STXBP2: variants seen among roughly 807,000 people sequenced by gnomAD.
The protein encoded by STXBP2 is syntaxin-binding protein 2.
Under a neutral mutation model 72.2 loss-of-function variants are expected in STXBP2, and 47 were observed. That is an observed-to-expected ratio of 0.65 (90% CI 0.51 to 0.83). The LOEUF is 0.83. STXBP2 is among the 40% of genes least tolerant of loss of function. The pLI is 0.00. For synonymous variants in STXBP2, 367 were observed against 338.7 expected (o/e 1.08, Z -0.92); for missense variants, 702 against 807.6 (o/e 0.87, Z 1.58).
chr19:7,643,257 C>T lies in STXBP2; in HGVS notation c.1107+12C>T. 2 of 1,611,676 alleles carry T rather than the reference C, an allele frequency of 1.2e-6. No individual in the cohort carries two copies. The highest frequency in any genetic ancestry group is 1.7e-6 in the Non-Finnish European group (2 of 1,179,182). ...GTAGTGTGGAGCAGGTGGGGCAGGGCTTGCGGGGGGCAGGGGTGATGGTCC... is the reference window on the plus strand; with the variant it reads ...GTAGTGTGGAGCAGGTGGGGCAGGGTTTGCGGGGGGCAGGGGTGATGGTCC... On this transcript the variant is annotated intron_variant, in intron 13 of 18. Coordinates refer to ENST00000221283, the MANE Select transcript of STXBP2 (RefSeq NM_006949.4).
At chr19:7,632,688 T>C (rs567036760), upstream of STXBP2, 7 of 1,549,816 alleles carry the variant, frequency 4.5e-6, no homozygotes, top group South Asian at 5.8e-5. This position sits in a 1 kb window ranked among gnomAD's most constrained non-coding sequence, Gnocchi z 5.2. Flanking sequence ...TCACGCCCCA[T>C]GGACAGCACC....
chr19:7,634,454 C>G (rs1049554229), upstream of STXBP2, among the ~76,000 whole-genome samples: 5 of 152,234 alleles, frequency 3.3e-5, no homozygotes, highest in Non-Finnish European at 5.9e-5. Flanking sequence ...TGTCCCCCTC[C>G]TCAGTACGTG....
chr19:7,644,563 C>A, intron 13 of STXBP2, 51 bp from the exon 14 acceptor site: 1 of 1,604,112 alleles, frequency 6.2e-7, no homozygotes, highest in Non-Finnish European at 8.5e-7. Context: ...CCTCTCCCAT[C>A]CCCTTCCCTG....
chr19:7,646,386 C>CG (rs1555771825), intron 16 of STXBP2, 42 bp downstream of exon 16: 1 of 1,535,824 alleles, frequency 6.5e-7, no homozygotes, highest in East Asian at 2.3e-5. Context: ...CCCTCCGCAT[C>CG]GGCTGGCGGC....
the STXBP2 span, chr19:7,631,411 G>GGGGGGGCCGGGGCGCGCCCCCCCCC: frequency 1.1e-6 from 1 of 886,152 alleles, no homozygotes; most frequent in Non-Finnish European, 1.7e-6. Flanking sequence ...GGGGGGGGTG[G>GGGGGGGCCGGGGCGCGCCCCCCCCC]TCCCGGCTCT....
chr19:7,633,340 C>T (rs1277741334), upstream of STXBP2: 18 of 1,452,448 alleles, frequency 1.2e-5, no homozygotes, highest in East Asian at 2.2e-4. Context: ...GCCCTACAAA[C>T]TAGTCTTGTC....
intron 15 of STXBP2, 52 bp from the exon 16 acceptor site, chr19:7,646,171 GCCACACCAGGCGCAGCCCCTCTGTGA>G: frequency 7.9e-7 from 1 of 1,267,886 alleles, no homozygotes; most frequent in South Asian, 1.3e-5. Context: ...CACCCTACCA[GCCACACCAGGCGCAGCCCCTCTGTGA>G]CCAGCCTCCT....
upstream of STXBP2, chr19:7,632,629 G>A (rs1599380426): frequency 6.3e-6 from 10 of 1,576,146 alleles, no homozygotes; most frequent in African/African-American, 6.7e-5. This position sits in a 1 kb window ranked among gnomAD's most constrained non-coding sequence, Gnocchi z 5.2. Context: ...CCCACATCCC[G>A]TGCCCCCAGG....
chr19:7,637,350 T>C (rs1300521291), intron 1 of STXBP2, among the ~76,000 whole-genome samples, 164 bp downstream of exon 1: 2 of 152,004 alleles, frequency 1.3e-5, no homozygotes, highest in Admixed American at 1.3e-4. Flanking sequence ...GGTTCCCAGC[T>C]GGACGCCCCT....
rs761105342 is a variant in STXBP2, at chr19:7,642,565, C to A, written c.902+29C>A. 5.0e-6 allele frequency: 8 copies of A among 1,610,180 alleles called. No individual in the cohort carries two copies. The highest frequency in any genetic ancestry group is 6.8e-6 in the Non-Finnish European group (8 of 1,177,040). On this transcript the variant is annotated intron_variant, in intron 10 of 18. Coordinates refer to ENST00000221283, the MANE Select transcript of STXBP2 (RefSeq NM_006949.4). The surrounding 1 kb of genome is among the most constrained non-coding windows in gnomAD (Gnocchi z 6.0). ...CGTGCACACGGGGACCGGATCCCCC[C>A]CCCACCGCCCACTGTGGGCCTGGTA...
chr19:7,645,326 G>T lies in STXBP2; in HGVS notation c.1356+20G>T, dbSNP rs1377390475. ...CCCGGGGTACGCCAGGAGCGGGCAT[G>T]GGGGGACCCTGGGAGAGGGTGCGGA... is the stretch of plus-strand genomic sequence containing the variant. On this transcript the variant is annotated intron_variant, in intron 15 of 18. Coordinates refer to ENST00000221283, the MANE Select transcript of STXBP2 (RefSeq NM_006949.4). 1 of 1,559,962 alleles carries T rather than the reference G, an allele frequency of 6.4e-7. No individual in the cohort carries two copies. The highest frequency in any genetic ancestry group is 8.7e-7 in the Non-Finnish European group (1 of 1,150,826).
chr19:7,633,435 G>A (rs779376158), upstream of STXBP2: 27 of 1,577,046 alleles, frequency 1.7e-5, no homozygotes, highest in South Asian at 2.3e-5. Context: ...GCCTTCCTCC[G>A]TCTTCTCCTC....
chr19:7,631,722 G>A, the STXBP2 span: 1 of 1,447,954 alleles, frequency 6.9e-7, no homozygotes. Flanking sequence ...GGGGGCTGCT[G>A]TTCCGACGGA....
chr19:7,642,707 C>T lies in STXBP2; in HGVS notation c.903-59C>T, dbSNP rs1367761915. On this transcript the variant is annotated intron_variant, in intron 10 of 18. Coordinates refer to ENST00000221283, the MANE Select transcript of STXBP2 (RefSeq NM_006949.4). The surrounding 1 kb of genome is among the most constrained non-coding windows in gnomAD (Gnocchi z 6.0). ...TCTCCCTGTCCCCCCTGAGTGGGCT[C>T]ACCCATGGCCTGTGGCTCCTCTCCC... is the stretch of plus-strand genomic sequence containing the variant. The T allele has an allele frequency of 1.3e-6, 2 of 1,578,722 alleles. No homozygotes were observed. The highest frequency in any genetic ancestry group is 1.7e-6 in the Non-Finnish European group (2 of 1,150,484).
chr19:7,631,539 G>T, the STXBP2 span: 18 of 1,535,872 alleles, frequency 1.2e-5, no homozygotes, highest in East Asian at 4.2e-4. Context: ...CCTTCGCGAC[G>T]CCCAGCAGAA....
chr19:7,633,232 G>C (rs530692571), upstream of STXBP2, among the ~76,000 whole-genome samples: 1 of 152,336 alleles, frequency 6.6e-6, no homozygotes, highest in African/African-American at 2.4e-5. Flanking sequence ...CCTGCCCTCT[G>C]CCCTGGGGCC....
At chr19:7,630,784 G>A in the STXBP2 span, 1 of 1,537,250 alleles carries the variant, frequency 6.5e-7, no homozygotes, top group Non-Finnish European at 8.7e-7. Flanking sequence ...GGCTCTGGAG[G>A]CCTTTGGCTC....
rs752714233 is a variant in STXBP2, at chr19:7,642,144, G to C, written c.663+26G>C. The C allele has an allele frequency of 6.2e-7, 1 of 1,614,062 alleles. No individual in the cohort carries two copies. The highest frequency in any genetic ancestry group is 8.5e-7 in the Non-Finnish European group (1 of 1,179,988). On this transcript the variant is annotated intron_variant, in intron 8 of 18. Coordinates refer to ENST00000221283, the MANE Select transcript of STXBP2 (RefSeq NM_006949.4). The surrounding 1 kb of genome is among the most constrained non-coding windows in gnomAD (Gnocchi z 6.0). ...GTGAGGGGGCGTGCTTGGGAGGTGA[G>C]GGGCAGCCCCAACCGGCTCAGGGTC...
chr19:7,638,389 G>A (rs905004650), intron 1 of STXBP2, among the ~76,000 whole-genome samples: 7 of 152,188 alleles, frequency 4.6e-5, no homozygotes, highest in African/African-American at 1.7e-4. Context: ...ACTGCTTGAG[G>A]CCAAAAGTTT....
Sources: gnomAD v4.1 joint callset for allele counts (sites outside exome capture counted in the v4.1 genomes callset) on GRCh38, gnomAD v4.1.1 for gene constraint, Gnocchi (gnomAD v3.1) non-coding constraint, MANE v1.5 for transcripts, NCBI Gene and HGNC (gene_info 2026-07-23, HGNC 2026-07-21) for gene names.